The following HECW1 variants were observed in gnomAD, a reference collection of about 807,000 sequenced individuals.
HECW1 encodes the protein HECT, C2 and WW domain containing E3 ubiquitin protein ligase 1.
In HECW1, 61 loss-of-function variants were observed where a neutral mutation model predicts 182.3. The ratio of observed to expected loss-of-function variants is 0.33; its 90% confidence interval spans 0.27 to 0.41. The LOEUF (loss-of-function observed/expected upper bound fraction) is 0.41. HECW1 is among the 10% of genes least tolerant of loss of function. The pLI is 1.00. For synonymous variants in HECW1, 859 were observed against 832.6 expected, an observed-to-expected ratio of 1.03 and a Z score of -0.55; for missense variants, 1,739 against 2,108.9, an observed-to-expected ratio of 0.82 and a Z score of 3.44.
At chr7:43,392,592 T>C (rs1438680990) in intron 6 of HECW1, among the ~76,000 whole-genome samples, 1 of 152,222 alleles carries the variant, frequency 6.6e-6, no homozygotes, top group East Asian at 1.9e-4. Flanking sequence ...CCCTTGGGCA[T>C]AGCTGCTTAC....
At chr7:43,502,431 C>T (rs1039793242) in intron 21 of HECW1, among the ~76,000 whole-genome samples, 5 of 152,046 alleles carry the variant, frequency 3.3e-5, no homozygotes, top group African/African-American at 9.7e-5. Context: ...CTGAGGTGGG[C>T]GGATCACTTG....
chr7:43,324,481 A>G (rs1357536743), intron 5 of HECW1, among the ~76,000 whole-genome samples: 1 of 152,184 alleles, frequency 6.6e-6, no homozygotes, highest in Non-Finnish European at 1.5e-5. Context: ...AGAGGTGCCA[A>G]ATTAACAAGT....
chr7:43,543,631 T>C (rs936922389), intron 26 of HECW1, among the ~76,000 whole-genome samples: 5 of 151,530 alleles, frequency 3.3e-5, no homozygotes. Flanking sequence ...ATACAAAAAT[T>C]AGCTGGGGAT....
intron 2 of HECW1, among the ~76,000 whole-genome samples, chr7:43,237,144 GGTAGGTAGGTAGGTAGGT>G (rs1798442162): frequency 4.0e-5 from 2 of 49,660 alleles, no homozygotes; most frequent in African/African-American, 2.4e-4. Context: ...GAAGGAAGTA[GGTAGGTAGGTAGGTAGGT>G]AGGTAGGTAG....
chr7:43,565,401 T>A lies in HECW1; in HGVS notation c.*3475T>A, dbSNP rs1300155500. On this transcript the variant is annotated 3_prime_UTR_variant, in exon 30 of 30. Coordinates refer to ENST00000395891, the MANE Select transcript of HECW1 (RefSeq NM_015052.5). ...CCAATGGCTGAGTTTTCCAGGGTAG[T>A]TTTAATATTACATCCATCATATTTT... 4.9e-6 allele frequency: 1 copy of A among 203,418 alleles called. No homozygotes were observed. The highest frequency in any genetic ancestry group is 1.0e-5 in the Non-Finnish European group (1 of 99,152). The allele number at this position is 203,418 out of a possible 1,614,324, so 12.6% of individuals were successfully genotyped here.
intron 2 of HECW1, among the ~76,000 whole-genome samples, chr7:43,193,458 T>A (rs1036583759): frequency 1.3e-5 from 2 of 152,168 alleles, no homozygotes; most frequent in Non-Finnish European, 2.9e-5. Context: ...CTTGGCTCAC[T>A]GCACCCTCTG....
intron 3 of HECW1, among the ~76,000 whole-genome samples, chr7:43,263,786 AAAG>A (rs987754867): frequency 2.6e-5 from 4 of 152,186 alleles, no homozygotes; most frequent in African/African-American, 9.7e-5. Flanking sequence ...AAAGAAAGAG[AAAG>A]AAGAAGAGGC....
intron 28 of HECW1, among the ~76,000 whole-genome samples, chr7:43,552,576 C>G (rs1015847769): frequency 6.6e-6 from 1 of 152,198 alleles, no homozygotes; most frequent in African/African-American, 2.4e-5. Context: ...TCTCACGCCC[C>G]TTTCCCCCAA....
intron 6 of HECW1, among the ~76,000 whole-genome samples, chr7:43,361,789 G>A (rs1390930343): frequency 7.0e-6 from 1 of 142,700 alleles, no homozygotes; most frequent in African/African-American, 2.6e-5. Context: ...ACTTTGTCAT[G>A]CTAGTGGAAA....
At chr7:43,313,462 C>T (rs1319507701) in intron 4 of HECW1, among the ~76,000 whole-genome samples, 2 of 151,970 alleles carry the variant, frequency 1.3e-5, no homozygotes, top group Non-Finnish European at 1.5e-5. Flanking sequence ...CTCAGCCTCC[C>T]AAGTAGCTGG....
At chr7:43,344,901 G>A (rs35642253) in intron 5 of HECW1, among the ~76,000 whole-genome samples, 4,921 of 152,218 alleles carry the variant, frequency 0.032, 88 homozygotes, top group Middle Eastern at 0.041. Context: ...TTTGCTAGTA[G>A]TTTCAATCTT....
intron 5 of HECW1, among the ~76,000 whole-genome samples, chr7:43,325,945 T>C (rs1029453122): frequency 3.3e-5 from 5 of 152,206 alleles, no homozygotes; most frequent in Non-Finnish European, 7.3e-5. Flanking sequence ...ATGCCATCTG[T>C]CTCAGTCCGT....
At chr7:43,541,500 T>C (rs910589094) in intron 25 of HECW1, among the ~76,000 whole-genome samples, 3 of 152,240 alleles carry the variant, frequency 2.0e-5, no homozygotes, top group African/African-American at 7.2e-5. Context: ...TCTCATATCA[T>C]GGAGATGAAT....
chr7:43,482,426 A>C (rs77503015), intron 17 of HECW1, among the ~76,000 whole-genome samples: 24,869 of 152,190 alleles, frequency 0.16, 2,589 homozygotes, highest in South Asian at 0.23. Flanking sequence ...TGCTATGAGC[A>C]CTGTGGAATG....
intron 26 of HECW1, among the ~76,000 whole-genome samples, chr7:43,549,608 A>G (rs1220671151): frequency 6.6e-6 from 1 of 152,212 alleles, no homozygotes; most frequent in African/African-American, 2.4e-5. Context: ...GATGATACAC[A>G]GATAATAGCC....
At chr7:43,268,905 A>T (rs1340984651) in intron 3 of HECW1, among the ~76,000 whole-genome samples, 1 of 152,014 alleles carries the variant, frequency 6.6e-6, no homozygotes, top group African/African-American at 2.4e-5. Context: ...CTGAGTAGCT[A>T]CTGGGACTAC....
intron 2 of HECW1, among the ~76,000 whole-genome samples, chr7:43,160,824 G>GCT (rs369898473): frequency 1.3e-5 from 2 of 152,210 alleles, no homozygotes; most frequent in African/African-American, 4.8e-5. Context: ...TCAGGGACAA[G>GCT]CTCTTTTGTT....
chr7:43,415,414 G>A (rs1187791816), intron 8 of HECW1, among the ~76,000 whole-genome samples: 2 of 147,588 alleles, frequency 1.4e-5, no homozygotes, highest in East Asian at 2.0e-4. Flanking sequence ...AGTCTGATGG[G>A]CTTCCCTTTG....
At position 43,320,518 on chromosome 7, in the gene HECW1, CTTT is replaced by C; in HGVS notation, c.353-114_353-112del. On this transcript the variant is annotated intron_variant, in intron 4 of 29. Coordinates refer to ENST00000395891, the MANE Select transcript of HECW1 (RefSeq NM_015052.5). ...CTCTCTGATTCTCTGGTTCCAGGTG[CTTT>C]TTCTTCTGTTGAGATGGAAGCAGCA... is the stretch of plus-strand genomic sequence containing the variant. The C allele has an allele frequency of 7.1e-6, 5 of 699,690 alleles. No individual in the cohort carries two copies. In the South Asian group the frequency reaches 7.4e-5, roughly 10 times the overall value. The allele number at this position is 699,690 out of a possible 1,614,324, so 43.3% of individuals were successfully genotyped here. A position where few individuals can be genotyped will look rare whatever the true frequency, so the allele number is the denominator to read the frequency against.
Sources: allele counts gnomAD v4.1 joint callset (sites outside exome capture counted in the v4.1 genomes callset), GRCh38; gene constraint gnomAD v4.1.1; transcripts MANE v1.5; gene names NCBI Gene and HGNC (gene_info 2026-07-23, HGNC 2026-07-21).